GNL2: variants seen among roughly 807,000 people sequenced by gnomAD.
GNL2 encodes G protein nucleolar 2.
In GNL2, 51 loss-of-function variants were observed where a neutral mutation model predicts 92.3. The ratio of observed to expected loss-of-function variants is 0.55; its 90% CI spans 0.44 to 0.70. The LOEUF (loss-of-function observed/expected upper bound fraction) is 0.70. Ranked by LOEUF, GNL2 falls within the 30% of genes least tolerant of loss-of-function variation. The probability of loss-of-function intolerance (pLI) is 0.00; values close to 1 mark genes in which losing one functional copy is unlikely to be tolerated. For missense variants in GNL2, 844 were observed against 895.6 expected (o/e 0.94, Z 0.74); for synonymous variants, 283 against 300.6 (o/e 0.94, Z 0.61).
At chr1:37,577,720 T>C (rs973016608) in intron 8 of GNL2, among the ~76,000 whole-genome samples, 4 of 152,172 alleles carry the variant, frequency 2.6e-5, no homozygotes, top group Admixed American at 6.5e-5. Flanking sequence ...GGTAGATCCC[T>C]CTTAAGATAG....
At chr1:37,594,020 G>A (rs995366003) in intron 1 of GNL2, 174 bp from the exon 2 acceptor site, 9 of 563,010 alleles carry the variant, frequency 1.6e-5, no homozygotes, top group Non-Finnish European at 2.2e-5. Context: ...AAGCTACATG[G>A]TATGACAAAG....
Position 37,583,994 on chromosome 1 carries a change from T to C in GNL2, c.570-61A>G, listed in dbSNP as rs966990870. The stretch of plus-strand genomic sequence containing the variant: ...CACCATCAAGACTAAAAGGATGCTT[T>C]AGGGTAAAGTCAATGTACCAAAAAA... On this transcript the variant is annotated intron_variant, in intron 5 of 15. Coordinates refer to ENST00000373062, the MANE Select transcript of GNL2 (RefSeq NM_013285.3). The C allele has an allele frequency of 7.3e-6, 7 of 954,282 alleles. No individual in the cohort carries two copies. In the African/African-American group the frequency reaches 1.1e-4, roughly 15 times the overall value. The allele number at this position is 954,282 out of a possible 1,614,324, so 59.1% of individuals were successfully genotyped here.
At chr1:37,582,753 A>C in intron 7 of GNL2, 25 bp downstream of exon 7, 1 of 1,584,232 alleles carries the variant, frequency 6.3e-7, no homozygotes. Context: ...TTAATAGTCT[A>C]TTCTGGTTTA....
intron 3 of GNL2, among the ~76,000 whole-genome samples, chr1:37,592,375 C>G (rs1265795061): frequency 6.6e-6 from 1 of 152,180 alleles, no homozygotes; most frequent in African/African-American, 2.4e-5. Context: ...GATATATGCA[C>G]AAAACCTACA....
In GNL2 at chr1:37,593,239, T is replaced by C. The variant is rs369688390; in HGVS notation, c.150-433A>G. Among the ~76,000 whole-genome samples, 35 of 152,322 alleles carry C rather than the reference T, an allele frequency of 2.3e-4. No homozygotes were observed. In the South Asian group the frequency reaches 6.8e-3, roughly 30 times the overall value. Reference sequence around the variant, plus strand: ...ATTAAGTTCTTTGACATTTGTATTTTAGTCACATCTTTTAGGACAGACGGA... The same window carrying C: ...ATTAAGTTCTTTGACATTTGTATTTCAGTCACATCTTTTAGGACAGACGGA... On this transcript the variant is annotated intron_variant, in intron 2 of 15. Transcript: ENST00000373062.
At chr1:37,583,213 C>A (rs919111176) in intron 6 of GNL2, 2 of 239,546 alleles carry the variant, frequency 8.3e-6, no homozygotes, top group Non-Finnish European at 7.9e-6. Context: ...TGAACTAAAT[C>A]ATTTACTTCT....
intron 9 of GNL2, 106 bp downstream of exon 9, chr1:37,576,322 G>A: frequency 1.0e-6 from 1 of 973,168 alleles, no homozygotes; most frequent in Non-Finnish European, 1.6e-6. Context: ...AACTCCTAGT[G>A]GTGGTCTGCA....
chr1:37,576,170 T>C, intron 9 of GNL2: 1 of 383,916 alleles, frequency 2.6e-6, no homozygotes, highest in South Asian at 3.9e-5. Context: ...AAGGCTGGAG[T>C]GATAATTTAA....
chr1:37,569,526 G>A, intron 12 of GNL2: 2 of 507,328 alleles, frequency 3.9e-6, no homozygotes, highest in Non-Finnish European at 7.0e-6. Flanking sequence ...TCCACAGGAT[G>A]AACCAACTAA....
chr1:37,577,930 A>ATT (rs1455068465), intron 8 of GNL2, among the ~76,000 whole-genome samples: 1 of 152,198 alleles, frequency 6.6e-6, no homozygotes, highest in Non-Finnish European at 1.5e-5. Context: ...GGATTTAGAG[A>ATT]TAATAACAGT....
chr1:37,590,724 A>G lies in GNL2; in HGVS notation c.366T>C (p.His122=), dbSNP rs1643882641. The G allele has an allele frequency of 6.2e-7, 1 of 1,613,672 alleles. No homozygotes were observed. The highest frequency in any genetic ancestry group is 1.3e-5 in the African/African-American group (1 of 74,932). ...ATCTTACATGAGGCCGGATTCGATC[A>G]TGGAGAAGAGACATTGGTAACTTGC... ...KQSKLPMSLL[H]DRIRPHNLKV... Residue 122 remains histidine, a synonymous_variant, in exon 4 of 16, where the codon CAT becomes CAC. Transcript: ENST00000373062.
chr1:37,582,299 G>GT lies in GNL2; in HGVS notation c.832dup (p.Thr278AsnfsTer10), dbSNP rs1219493092. Reference sequence around the variant, plus strand: ...AGTAAGGCTTGCATGGAAAGCAAGTGTTGGATAATCCTGGGAGAGGACAGC... The same window carrying GT: ...AGTAAGGCTTGCATGGAAAGCAAGTGTTTGGATAATCCTGGGAGAGGACAGC... On this transcript the variant is annotated frameshift_variant, in exon 8 of 16. Transcript: ENST00000373062. LOFTEE classifies it high-confidence loss of function. 5.6e-6 allele frequency: 9 copies of GT among 1,613,380 alleles called. No homozygotes were observed. The African/African-American group carries it at 1.2e-4, about 22-fold the overall frequency.
chr1:37,590,233 T>C (rs1026260533), intron 4 of GNL2, among the ~76,000 whole-genome samples: 2 of 152,154 alleles, frequency 1.3e-5, no homozygotes, highest in Non-Finnish European at 2.9e-5. Flanking sequence ...CAGCCTCTCC[T>C]GAGTAGCTGA....
chr1:37,570,792 A>C (rs1377844491), intron 12 of GNL2: 2 of 152,184 alleles, frequency 1.3e-5, no homozygotes, highest in Non-Finnish European at 2.9e-5. Flanking sequence ...AAGGAGGGGG[A>C]ATTCTGTGAT....
In GNL2 at chr1:37,574,655, G is replaced by C. The variant is rs200099282; in HGVS notation, c.1302+10C>G. 6.2e-7 allele frequency: 1 copy of C among 1,612,088 alleles called. No homozygotes were observed. On this transcript the variant is annotated intron_variant, in intron 11 of 15. Coordinates refer to ENST00000373062, the MANE Select transcript of GNL2 (RefSeq NM_013285.3). ...AGTATCAGTCTAAATTCTCACAAAC[G>C]CCGGGTCACCTTTAGTAACTTCCCA...
chr1:37,593,275 C>A (rs1325548597), intron 2 of GNL2, among the ~76,000 whole-genome samples: 1 of 152,174 alleles, frequency 6.6e-6, no homozygotes, highest in African/African-American at 2.4e-5. Context: ...GATGGAGAAT[C>A]TAATTACCAA....
chr1:37,582,996 T>A, intron 6 of GNL2, 60 bp from the exon 7 acceptor site: 1 of 1,127,174 alleles, frequency 8.9e-7, no homozygotes, highest in Non-Finnish European at 1.3e-6. Context: ...GGGATGACAT[T>A]TAAGGGAGTC....
At chr1:37,582,663 G>C in intron 7 of GNL2, 115 bp downstream of exon 7, 1 of 898,584 alleles carries the variant, frequency 1.1e-6, no homozygotes, top group Non-Finnish European at 1.7e-6. Flanking sequence ...TGTTTCCAAT[G>C]AGAGCACTCC....
At chr1:37,583,548 A>G in intron 6 of GNL2, among the ~76,000 whole-genome samples, 1 of 152,248 alleles carries the variant, frequency 6.6e-6, no homozygotes, top group East Asian at 1.9e-4. Context: ...GGTGGACTAA[A>G]TAACTTAAAA....
Sources: gnomAD v4.1 joint callset for allele counts (sites outside exome capture counted in the v4.1 genomes callset) on GRCh38, gnomAD v4.1.1 for gene constraint, MANE v1.5 for transcripts, NCBI Gene and HGNC (gene_info 2026-07-23, HGNC 2026-07-21) for gene names.